The following AMPD3 variants were observed in gnomAD, a reference collection of about 807,000 sequenced individuals.
AMPD3 encodes AMP deaminase 3.
AMPD3 carries 57 observed loss-of-function variants against 82.3 expected under a neutral mutation model. The ratio of observed to expected loss-of-function variants is 0.69; its 90% CI spans 0.56 to 0.86. The LOEUF (loss-of-function observed/expected upper bound fraction) is 0.86. AMPD3 is among the 40% of genes least tolerant of loss of function. AMPD3 has a pLI of 0.00. For missense variants in AMPD3, 870 were observed against 1,003.8 expected, an observed-to-expected ratio of 0.87 and a Z score of 1.80; for synonymous variants, 381 against 394.7, an observed-to-expected ratio of 0.97 and a Z score of 0.41.
At chr11:10,486,598 A>C (rs1164895483) in intron 5 of AMPD3, 1 of 985,240 alleles carries the variant, frequency 1.0e-6, no homozygotes, top group Non-Finnish European at 1.2e-6. Context: ...CTACAGTCCC[A>C]ATCCACCCAT....
chr11:10,495,789 C>T (rs940067950), intron 9 of AMPD3, 56 bp downstream of exon 9: 11 of 1,606,530 alleles, frequency 6.8e-6, no homozygotes, highest in East Asian at 2.2e-5. Flanking sequence ...CAATCTGTCC[C>T]TCATGGGCTG....
intron 11 of AMPD3, chr11:10,500,862 C>T: frequency 7.1e-6 from 7 of 985,460 alleles, no homozygotes; most frequent in Non-Finnish European, 8.4e-6. Context: ...GAGCCATTCC[C>T]TTCCCTACAA....
chr11:10,474,199 T>C (rs1423699638), intron 2 of AMPD3, among the ~76,000 whole-genome samples: 1 of 152,200 alleles, frequency 6.6e-6, no homozygotes, highest in Non-Finnish European at 1.5e-5. Flanking sequence ...AGTTATATCT[T>C]ATCTACTCCT....
At chr11:10,493,764 C>A in intron 7 of AMPD3, 1 of 613,676 alleles carries the variant, frequency 1.6e-6, no homozygotes. Flanking sequence ...CAGGTCTAAG[C>A]ACTAATCCCA....
In AMPD3 at chr11:10,456,649, G is replaced by A. The variant is rs1419042728; in HGVS notation, c.-6+1201G>A. On this transcript the variant is annotated intron_variant, in intron 1 of 14. Transcript: ENST00000396553. The surrounding 1 kb of genome is among the most constrained non-coding windows in gnomAD (Gnocchi z 4.3). ...GTATCATTGGCTGACTGATGCTGGT[G>A]AATTCACAGCTAAGCCTCCCAAGCC... 1.8e-5 allele frequency: 18 copies of A among 978,890 alleles called. No individual in the cohort carries two copies. The highest frequency in any genetic ancestry group is 2.2e-5 in the Non-Finnish European group (18 of 824,062). The allele number at this position is 978,890 out of a possible 1,614,324, so 60.6% of individuals were successfully genotyped here. A position where few individuals can be genotyped will look rare whatever the true frequency, so the allele number is the denominator to read the frequency against.
Position 10,461,497 on chromosome 11 carries a change from T to G in AMPD3, c.-5-18T>G. 1 of 1,614,144 alleles carries G rather than the reference T, an allele frequency of 6.2e-7. No homozygotes were observed. Among genetic ancestry groups the G allele is most frequent in the East Asian group, 2.2e-5 (1 of 44,882 alleles). On this transcript the variant is annotated intron_variant, in intron 1 of 14. Transcript: ENST00000396553. The stretch of plus-strand genomic sequence containing the variant: ...ACTCAGGGCATCCTGCAATTCATGC[T>G]TGTTCTTTCTTTGCTAGCTGAGATG...
intron 1 of AMPD3, chr11:10,455,915 G>A (rs987207805): frequency 8.1e-6 from 8 of 985,160 alleles, no homozygotes; most frequent in Non-Finnish European, 8.4e-6. Flanking sequence ...CGTTCAGAAC[G>A]GAAGCAGCAA....
intron 14 of AMPD3, chr11:10,505,424 T>C: frequency 1.0e-6 from 1 of 985,094 alleles, no homozygotes; most frequent in Non-Finnish European, 1.2e-6. Context: ...GCCTTTCCCA[T>C]CCCCAGCAGC....
chr11:10,461,353 G>GTTA, intron 1 of AMPD3, 162 bp from the exon 2 acceptor site: 4 of 1,591,700 alleles, frequency 2.5e-6, no homozygotes, highest in Non-Finnish European at 3.4e-6. Flanking sequence ...TACTTATTGA[G>GTTA]CTAATTTTGA....
chr11:10,456,425 G>A lies in AMPD3; in HGVS notation c.-6+977G>A. The A allele has an allele frequency of 1.2e-6, 2 of 1,613,802 alleles. No individual in the cohort carries two copies. The highest frequency in any genetic ancestry group is 1.1e-5 in the South Asian group (1 of 91,082). Reference sequence around the variant, plus strand: ...CAGGTCTGTGTCGGGGCTTCTGCAAGGGGAGTCTGGCAAGAGTAGGAACCA... The same window carrying A: ...CAGGTCTGTGTCGGGGCTTCTGCAAAGGGAGTCTGGCAAGAGTAGGAACCA... On this transcript the variant is annotated intron_variant, in intron 1 of 14. Coordinates refer to ENST00000396553, the MANE Select transcript of AMPD3 (RefSeq NM_001025389.2). This position sits in a 1 kb window ranked among gnomAD's most constrained non-coding sequence, Gnocchi z 4.3.
Position 10,469,129 on chromosome 11 carries a change from A to G in AMPD3, c.221+7389A>G, listed in dbSNP as rs536666814. Among the ~76,000 whole-genome samples the G allele has an allele frequency of 5.3e-5, 8 of 152,350 alleles. 1 individual carries two copies. In the South Asian group the frequency reaches 8.3e-4, roughly 16 times the overall value. ...AATTCAAAAGCTAGCAGAAGACAAG[A>G]AATAACTAAGATCAGAGCAGAACCG... On this transcript the variant is annotated intron_variant, in intron 2 of 14. Coordinates refer to ENST00000396553, the MANE Select transcript of AMPD3 (RefSeq NM_001025389.2).
At chr11:10,466,485 C>G (rs1170673149) in intron 2 of AMPD3, among the ~76,000 whole-genome samples, 1 of 152,186 alleles carries the variant, frequency 6.6e-6, no homozygotes, top group Non-Finnish European at 1.5e-5. Flanking sequence ...CAGACTGCCT[C>G]TCTAGATTTC....
chr11:10,460,552 G>A (rs551418664), intron 1 of AMPD3, among the ~76,000 whole-genome samples: 4 of 151,382 alleles, frequency 2.6e-5, no homozygotes, highest in Admixed American at 2.0e-4. Context: ...GATTACAGGT[G>A]CCTGCCACCA....
At chr11:10,487,069 T>C in intron 5 of AMPD3, 166 bp from the exon 6 acceptor site, 2 of 961,212 alleles carry the variant, frequency 2.1e-6, no homozygotes, top group Non-Finnish European at 2.5e-6. Flanking sequence ...TCTGTGGATA[T>C]GACTCAACAG....
rs1293243564 is a variant in AMPD3 at position 10,457,930 on chromosome 11, C to G, written c.-6+2482C>G. On this transcript the variant is annotated intron_variant, in intron 1 of 14. Coordinates refer to ENST00000396553, the MANE Select transcript of AMPD3 (RefSeq NM_001025389.2). ...AATAAATGCATGCTTCATGAGCAAA[C>G]ATGGCAGGATCTGGCATAAGAGCCC... Among the ~76,000 whole-genome samples, 3 of 145,498 alleles carry G rather than the reference C, an allele frequency of 2.1e-5. No individual in the cohort carries two copies. In the East Asian group the frequency reaches 5.9e-4, roughly 28 times the overall value.
intron 11 of AMPD3, chr11:10,500,986 C>A: frequency 1.0e-6 from 1 of 985,374 alleles, no homozygotes; most frequent in Non-Finnish European, 1.2e-6. Flanking sequence ...AAAGAAATGG[C>A]CTGGCAGGGT....
upstream of AMPD3, chr11:10,450,881 G>T (rs1184200420): frequency 9.0e-6 from 11 of 1,226,036 alleles, no homozygotes; most frequent in Non-Finnish European, 1.1e-5. Flanking sequence ...CCCTCTGAAC[G>T]CCCGGCCCCC....
At chr11:10,474,973 A>G (rs1848696900) in intron 2 of AMPD3, among the ~76,000 whole-genome samples, 1 of 152,202 alleles carries the variant, frequency 6.6e-6, no homozygotes, top group African/African-American at 2.4e-5. Flanking sequence ...AGTTTTGTTC[A>G]TACACACACT....
intron 5 of AMPD3, chr11:10,486,849 A>G: frequency 2.0e-6 from 2 of 985,252 alleles, no homozygotes; most frequent in Non-Finnish European, 2.4e-6. Context: ...CTGAGCATCC[A>G]CTCTGCTTGG....
Sources: allele counts gnomAD v4.1 joint callset (sites outside exome capture counted in the v4.1 genomes callset), GRCh38; gene constraint gnomAD v4.1.1; non-coding constraint Gnocchi (gnomAD v3.1); transcripts MANE v1.5; gene names NCBI Gene and HGNC (gene_info 2026-07-23, HGNC 2026-07-21).